The following NNMT variants were observed in gnomAD, a reference collection of about 807,000 sequenced individuals.
NNMT encodes nicotinamide N-methyltransferase.
NNMT carries 10 observed loss-of-function variants against 11.7 expected under a neutral mutation model. That is an observed-to-expected ratio of 0.85 (90% CI 0.53 to 1.45). The LOEUF is 1.45. NNMT is among the 40% of genes most tolerant of loss of function. NNMT has a pLI of 0.00. For synonymous variants in NNMT, 143 were observed against 133.8 expected (o/e 1.07, Z -0.48); for missense variants, 381 against 319.4 (o/e 1.19, Z -1.47).
At chr11:114,268,768 CA>C (rs34012236) in intron 2 of NNMT, among the ~76,000 whole-genome samples, 250 of 69,606 alleles carry the variant, frequency 3.6e-3, no homozygotes, top group Middle Eastern at 7.5e-3. Flanking sequence ...GACTCCGTCT[CA>C]AAAAAAAAAA....
At chr11:114,279,573 G>A (rs74883781) in intron 2 of NNMT, among the ~76,000 whole-genome samples, 4,608 of 152,280 alleles carry the variant, frequency 0.03, 70 homozygotes, top group East Asian at 0.068. Flanking sequence ...CCCCATCCAA[G>A]GGGAGTTTAG....
upstream of NNMT, among the ~76,000 whole-genome samples, chr11:114,293,537 C>G (rs1945349287): frequency 6.7e-6 from 1 of 149,238 alleles, no homozygotes; most frequent in Admixed American, 6.7e-5. Flanking sequence ...GCCATTTTAA[C>G]TGAGGTGAGA....
chr11:114,271,698 C>A (rs1318696533), intron 2 of NNMT, among the ~76,000 whole-genome samples: 1 of 152,140 alleles, frequency 6.6e-6, no homozygotes, highest in Non-Finnish European at 1.5e-5. Context: ...TACCAGCATC[C>A]ACTCAGTGGT....
At chr11:114,306,609 C>G (rs1945494346) in intron 2 of NNMT, among the ~76,000 whole-genome samples, 1 of 152,072 alleles carries the variant, frequency 6.6e-6, no homozygotes, top group Non-Finnish European at 1.5e-5. Flanking sequence ...ATAGGGAATC[C>G]TTTCCCTATT....
intron 2 of NNMT, among the ~76,000 whole-genome samples, chr11:114,277,492 G>A (rs1945222924): frequency 6.6e-6 from 1 of 152,110 alleles, no homozygotes; most frequent in Non-Finnish European, 1.5e-5. Flanking sequence ...GAGGTACTTG[G>A]GGAAAGACTT....
intron 1 of NNMT, among the ~76,000 whole-genome samples, chr11:114,261,448 G>C (rs919729068): frequency 6.6e-6 from 1 of 152,202 alleles, no homozygotes; most frequent in Non-Finnish European, 1.5e-5. Flanking sequence ...GCCGGGTGTG[G>C]TGGTGCATGC....
intron 2 of NNMT, among the ~76,000 whole-genome samples, chr11:114,307,053 T>A (rs1945498632): frequency 6.6e-6 from 1 of 152,194 alleles, no homozygotes; most frequent in Admixed American, 6.5e-5. Context: ...ATGATGATTG[T>A]TTCAGTGATA....
At chr11:114,300,594 C>T (rs1945429001) in intron 2 of NNMT, among the ~76,000 whole-genome samples, 1 of 37,082 alleles carries the variant, frequency 2.7e-5, no homozygotes, top group African/African-American at 6.4e-5. Context: ...TGTTTACTTT[C>T]TCTGTCAATT....
At chr11:114,275,731 A>T (rs1279492766) in intron 2 of NNMT, among the ~76,000 whole-genome samples, 1 of 152,148 alleles carries the variant, frequency 6.6e-6, no homozygotes, top group Non-Finnish European at 1.5e-5. Flanking sequence ...GAATATTCTG[A>T]TATCTTGTGA....
intron 2 of NNMT, among the ~76,000 whole-genome samples, chr11:114,302,504 T>C (rs2135276657): frequency 6.6e-6 from 1 of 152,298 alleles, no homozygotes; most frequent in South Asian, 2.1e-4. Context: ...TTTCTATGTA[T>C]AACACTATAA....
At chr11:114,263,230 A>G (rs1945096928) in intron 2 of NNMT, among the ~76,000 whole-genome samples, 1 of 152,252 alleles carries the variant, frequency 6.6e-6, no homozygotes, top group African/African-American at 2.4e-5. Context: ...GGATGGCAAA[A>G]GAAAACAAGC....
intron 1 of NNMT, among the ~76,000 whole-genome samples, chr11:114,258,861 A>G (rs1016115124): frequency 2.6e-5 from 4 of 151,776 alleles, no homozygotes; most frequent in Non-Finnish European, 5.9e-5. Flanking sequence ...ACCGAGCTCC[A>G]TTCCCCTGTG....
chr11:114,258,823 C>T (rs1054982333), intron 1 of NNMT, among the ~76,000 whole-genome samples: 4 of 152,200 alleles, frequency 2.6e-5, no homozygotes, highest in Non-Finnish European at 4.4e-5. Context: ...CTGCTCCAGC[C>T]GATGGGACCA....
intron 2 of NNMT, among the ~76,000 whole-genome samples, chr11:114,300,949 A>G (rs1228555487): frequency 2.6e-5 from 4 of 152,170 alleles, no homozygotes; most frequent in Non-Finnish European, 5.9e-5. Flanking sequence ...CCTTCCCTAG[A>G]ATATCCACTG....
At chr11:114,294,081 A>G (rs961818641), upstream of NNMT, among the ~76,000 whole-genome samples, 4 of 152,192 alleles carry the variant, frequency 2.6e-5, no homozygotes, top group Admixed American at 1.3e-4. Context: ...GGAGCTAAAA[A>G]CTAAAATAAC....
intron 2 of NNMT, among the ~76,000 whole-genome samples, chr11:114,308,879 T>C (rs1057240874): frequency 6.6e-6 from 1 of 152,160 alleles, no homozygotes; most frequent in Admixed American, 6.5e-5. Flanking sequence ...TTCTAGCAAA[T>C]TTCCCTCTCA....
At chr11:114,279,288 T>C (rs1945240621) in intron 2 of NNMT, among the ~76,000 whole-genome samples, 1 of 152,080 alleles carries the variant, frequency 6.6e-6, no homozygotes, top group Non-Finnish European at 1.5e-5. Context: ...CCCCACTGAG[T>C]AGGCATGGGA....
Position 114,312,484 on chromosome 11 carries a change from T to C in NNMT, c.*7T>C, listed in dbSNP as rs373683155. The stretch of plus-strand genomic sequence containing the variant: ...GCTGAGCAGACCCCTGTGATGCCTG[T>C]GACCTCAATTAAAGCAATTCCTTTG... On this transcript the variant is annotated 3_prime_UTR_variant, in exon 3 of 3. Transcript: ENST00000299964. The C allele has an allele frequency of 5.8e-5, 94 of 1,608,980 alleles. No homozygotes were observed. Among genetic ancestry groups the C allele is most frequent in the Non-Finnish European group, 7.6e-5 (90 of 1,176,990 alleles).
chr11:114,268,724 G>A (rs530911581), intron 2 of NNMT, among the ~76,000 whole-genome samples: 30 of 136,648 alleles, frequency 2.2e-4, no homozygotes, highest in Admixed American at 2.0e-3. Context: ...AGCCGAGATC[G>A]CACCACTGCA....
Sources: gnomAD v4.1 joint callset for allele counts (sites outside exome capture counted in the v4.1 genomes callset) on GRCh38, gnomAD v4.1.1 for gene constraint, MANE v1.5 for transcripts, NCBI Gene and HGNC (gene_info 2026-07-23, HGNC 2026-07-21) for gene names.